The following CSDC2 variants were observed in gnomAD, a reference collection of about 807,000 sequenced individuals.
CSDC2 encodes cold shock domain containing C2, also known as cold shock domain-containing protein C2.
Under a neutral mutation model 15.8 loss-of-function variants are expected in CSDC2, and 8 were observed. The ratio of observed to expected loss-of-function variants is 0.51; its 90% CI spans 0.30 to 0.92. CSDC2 has a LOEUF of 0.92. Among genes scored for constraint, CSDC2 ranks in the 40% least tolerant of loss-of-function variants. The pLI is 0.07. For synonymous variants in CSDC2, 96 were observed against 92.3 expected (o/e 1.04, Z -0.23); for missense variants, 195 against 213.3 (o/e 0.91, Z 0.53).
At chr22:41,571,160 C>T (rs190574896) in intron 1 of CSDC2, among the ~76,000 whole-genome samples, 9 of 152,098 alleles carry the variant, frequency 5.9e-5, no homozygotes, top group Admixed American at 5.9e-4. Context: ...CGAGACCTGC[C>T]TGGCCAACAT....
intron 1 of CSDC2, among the ~76,000 whole-genome samples, chr22:41,566,579 C>T (rs932514023): frequency 4.7e-5 from 7 of 148,230 alleles, no homozygotes; most frequent in African/African-American, 1.0e-4. Context: ...TGCAGTGAGC[C>T]GAGATCACGC....
At chr22:41,573,598 G>A in intron 2 of CSDC2, 57 bp from the exon 3 acceptor site, 1 of 1,565,480 alleles carries the variant, frequency 6.4e-7, no homozygotes, top group South Asian at 1.1e-5. Context: ...AATGGCTGTA[G>A]GGATCCGGGG....
At chr22:41,567,231 A>C (rs1285644001) in intron 1 of CSDC2, among the ~76,000 whole-genome samples, 2 of 152,206 alleles carry the variant, frequency 1.3e-5, no homozygotes, top group Non-Finnish European at 2.9e-5. Flanking sequence ...ATCTTGGCTG[A>C]ACCAGGAACA....
At chr22:41,573,973 C>T (rs1446378687) in intron 3 of CSDC2, among the ~76,000 whole-genome samples, 196 bp downstream of exon 3, 2 of 152,226 alleles carry the variant, frequency 1.3e-5, no homozygotes, top group African/African-American at 4.8e-5. Context: ...ACGCAGACCC[C>T]AGAAGCCTGG....
intron 1 of CSDC2, among the ~76,000 whole-genome samples, chr22:41,563,020 C>T (rs1197507352): frequency 6.6e-6 from 1 of 152,112 alleles, no homozygotes; most frequent in Non-Finnish European, 1.5e-5. Context: ...CTCCCAGTGC[C>T]GTCCTGGTTT....
chr22:41,565,946 T>C (rs1321806201), intron 1 of CSDC2, among the ~76,000 whole-genome samples: 1 of 152,114 alleles, frequency 6.6e-6, no homozygotes, highest in Non-Finnish European at 1.5e-5. Flanking sequence ...CTGTGGCTCC[T>C]CCCGACAACC....
intron 3 of CSDC2, among the ~76,000 whole-genome samples, chr22:41,574,195 C>T (rs938111195): frequency 7.2e-5 from 11 of 152,228 alleles, no homozygotes; most frequent in Non-Finnish European, 1.3e-4. Flanking sequence ...AGGGACCTCC[C>T]CGTGCCCTTT....
In CSDC2 at chr22:41,573,778, G is replaced by A. The variant is rs749830527; in HGVS notation, c.299+1G>A. On this transcript the variant is annotated splice_donor_variant, in intron 3 of 3. Coordinates refer to ENST00000306149, the MANE Select transcript of CSDC2 (RefSeq NM_014460.4). LOFTEE classifies it high-confidence loss of function. ...AGGACATCTTCGTACATGTGTCTGA[G>A]TGAGTCCCCTCCACCTCCCTGTTCT... The A allele has an allele frequency of 6.2e-7, 1 of 1,611,462 alleles. No individual in the cohort carries two copies. The highest frequency in any genetic ancestry group is 8.5e-7 in the Non-Finnish European group (1 of 1,178,380).
rs2067177034 is a variant in CSDC2, at chr22:41,576,616, A to C, written c.*1721A>C. 1 of 152,614 alleles carries C rather than the reference A, an allele frequency of 6.6e-6. No homozygotes were observed. Among genetic ancestry groups the C allele is most frequent in the African/African-American group, 2.5e-5 (1 of 39,300 alleles). The allele number at this position is 152,614 out of a possible 1,614,324, so 9.5% of individuals were successfully genotyped here. On this transcript the variant is annotated 3_prime_UTR_variant, in exon 4 of 4. Transcript: ENST00000306149. The stretch of plus-strand genomic sequence containing the variant: ...TTCCTCCCAAGACCCCTGGCCACCC[A>C]GACCCCCCATTCTTCCTAACACTGG...
chr22:41,574,277 A>AT (rs1027142600), intron 3 of CSDC2, among the ~76,000 whole-genome samples: 1 of 151,576 alleles, frequency 6.6e-6, no homozygotes, highest in Non-Finnish European at 1.5e-5. Context: ...TATTTTATTT[A>AT]TTTTTTGAGA....
chr22:41,563,691 C>T (rs1210259572), intron 1 of CSDC2, among the ~76,000 whole-genome samples: 3 of 152,074 alleles, frequency 2.0e-5, no homozygotes, highest in Admixed American at 1.3e-4. Flanking sequence ...CCAGACATCT[C>T]CAGAGGGCAG....
intron 1 of CSDC2, among the ~76,000 whole-genome samples, chr22:41,570,992 A>C (rs2067142718): frequency 6.6e-6 from 1 of 151,550 alleles, no homozygotes. Flanking sequence ...CAAAAAAAAA[A>C]AAAAAAACAA....
At chr22:41,561,918 G>C (rs1488312201) in intron 1 of CSDC2, among the ~76,000 whole-genome samples, 1 of 152,142 alleles carries the variant, frequency 6.6e-6, no homozygotes, top group African/African-American at 2.4e-5. Flanking sequence ...CTGGTGCCAA[G>C]CCCATGAATG....
intron 1 of CSDC2, among the ~76,000 whole-genome samples, chr22:41,568,134 C>CTCTTTTTTTTTTTT (rs562406296): frequency 2.7e-5 from 3 of 109,554 alleles, no homozygotes; most frequent in Admixed American, 2.1e-4. Flanking sequence ...CTCTCCCTCT[C>CTCTTTTTTTTTTTT]TTTTTTTTGA....
At chr22:41,571,426 A>C (rs532954133) in intron 1 of CSDC2, among the ~76,000 whole-genome samples, 1 of 152,140 alleles carries the variant, frequency 6.6e-6, no homozygotes, top group Non-Finnish European at 1.5e-5. Flanking sequence ...ATTCAAACCC[A>C]GGCCTGGGTG....
intron 1 of CSDC2, among the ~76,000 whole-genome samples, chr22:41,564,259 T>A (rs1034695101): frequency 1.7e-4 from 26 of 151,528 alleles, no homozygotes; most frequent in Non-Finnish European, 2.8e-4. Flanking sequence ...GCTGCTTTTT[T>A]AAAATTATTA....
rs376287559 is a variant in CSDC2, at chr22:41,572,110, C to G, written c.145C>G (p.Leu49Val). 5.2e-6 allele frequency: 7 copies of G among 1,350,040 alleles called. No homozygotes were observed. In the African/African-American group the frequency reaches 1.1e-4, roughly 20 times the overall value. 83.6% of individuals were successfully genotyped at this position (1,350,040 alleles called of 1,614,324 possible). Residue 49 changes from leucine (L) to valine (V), a missense_variant, in exon 2 of 4, where the codon CTG becomes GTG. Physicochemically the swap from Leu to Val is conservative, Grantham distance 32 (BLOSUM62 1). Coordinates refer to ENST00000306149, the MANE Select transcript of CSDC2 (RefSeq NM_014460.4). ...GVPPRDLPSPLPTKRTRTYSA... is the reference protein window; with the variant it reads ...GVPPRDLPSPVPTKRTRTYSA... Reference sequence around the variant, plus strand: ...CCCACCTCGGGACCTACCCAGCCCTCTGCCCACCAAGCGGACCAGGACCTA... The same window carrying G: ...CCCACCTCGGGACCTACCCAGCCCTGTGCCCACCAAGCGGACCAGGACCTA...
At chr22:41,573,562 A>G in intron 2 of CSDC2, 93 bp from the exon 3 acceptor site, 1 of 1,458,378 alleles carries the variant, frequency 6.9e-7, no homozygotes, top group Non-Finnish European at 9.3e-7. Flanking sequence ...CACAGCCCTG[A>G]GGCACGCTCA....
chr22:41,565,855 A>G (rs2067111062), intron 1 of CSDC2, among the ~76,000 whole-genome samples: 1 of 152,236 alleles, frequency 6.6e-6, no homozygotes, highest in African/African-American at 2.4e-5. Flanking sequence ...CAGGGAAATG[A>G]AGATGAGCTT....
Sources: allele counts gnomAD v4.1 joint callset (sites outside exome capture counted in the v4.1 genomes callset), GRCh38; gene constraint gnomAD v4.1.1; transcripts MANE v1.5; gene names NCBI Gene and HGNC (gene_info 2026-07-23, HGNC 2026-07-21).